FUT8: variants seen among roughly 807,000 people sequenced by gnomAD.
FUT8 encodes the protein fucosyltransferase 8, also known as alpha-(1,6)-fucosyltransferase.
In FUT8, 29 loss-of-function variants were observed where a neutral mutation model predicts 71.3. The ratio of observed to expected loss-of-function variants is 0.41; its 90% confidence interval spans 0.30 to 0.55. The LOEUF is 0.55. FUT8 is among the 20% of genes least tolerant of loss of function. The pLI, the probability that FUT8 is intolerant of heterozygous loss-of-function variation, is 0.34. For missense variants in FUT8, 544 were observed against 702.1 expected (o/e 0.77, Z 2.55); for synonymous variants, 254 against 239.3 (o/e 1.06, Z -0.57).
intron 6 of FUT8, among the ~76,000 whole-genome samples, chr14:65,654,281 A>G (rs980023942): frequency 4.6e-5 from 7 of 152,136 alleles, no homozygotes; most frequent in African/African-American, 1.7e-4. Flanking sequence ...AATTATCCCT[A>G]GATTAACTAC....
chr14:65,384,298 G>A, the FUT8 span, among the ~76,000 whole-genome samples: 1 of 152,030 alleles, frequency 6.6e-6, no homozygotes, highest in African/African-American at 2.4e-5. The surrounding 1 kb of genome is among the most constrained non-coding windows in gnomAD (Gnocchi z 4.2). Flanking sequence ...ACCCAGGGTG[G>A]AGTGCAGTGG....
At chr14:65,549,058 C>G (rs1885137107) in intron 2 of FUT8, among the ~76,000 whole-genome samples, 1 of 152,128 alleles carries the variant, frequency 6.6e-6, no homozygotes, top group Non-Finnish European at 1.5e-5. Flanking sequence ...CCAGAATTGC[C>G]TTTAAACAAA....
chr14:65,549,047 A>G (rs565795127), intron 2 of FUT8, among the ~76,000 whole-genome samples: 1 of 152,336 alleles, frequency 6.6e-6, no homozygotes, highest in Non-Finnish European at 1.5e-5. Flanking sequence ...CTACACAGCT[A>G]CCAGAATTGC....
Position 65,461,310 on chromosome 14 carries a change from C to T in FUT8, c.-228+5592C>T, listed in dbSNP as rs573259011. The stretch of plus-strand genomic sequence containing the variant: ...TTCAAATGTCCTTCTTATAAGGATT[C>T]CAGTCATGTATTAGGGTCCATCCTA... On this transcript the variant is annotated intron_variant, in intron 2 of 10. Coordinates refer to ENST00000673929, the MANE Select transcript of FUT8 (RefSeq NM_001371533.1). Among the ~76,000 whole-genome samples the T allele has an allele frequency of 3.5e-3, 531 of 152,244 alleles. 2 individuals carry two copies. The highest frequency in any genetic ancestry group is 0.012 in the African/African-American group (504 of 41,542).
chr14:65,590,325 A>G (rs749047620), intron 3 of FUT8, among the ~76,000 whole-genome samples: 4 of 152,208 alleles, frequency 2.6e-5, no homozygotes, highest in Non-Finnish European at 4.4e-5. Context: ...CACCCAGCAT[A>G]TCCAGTTCAT....
At chr14:65,521,309 A>T (rs942865110) in intron 2 of FUT8, among the ~76,000 whole-genome samples, 2 of 152,194 alleles carry the variant, frequency 1.3e-5, no homozygotes, top group African/African-American at 4.8e-5. Context: ...TTAAATTGTT[A>T]CATAAAAATG....
the FUT8 span, among the ~76,000 whole-genome samples, chr14:65,394,111 C>T: frequency 2.6e-5 from 4 of 152,184 alleles, no homozygotes; most frequent in Non-Finnish European, 5.9e-5. Flanking sequence ...CATGCACCAC[C>T]ATGCCTGGCT....
the FUT8 span, among the ~76,000 whole-genome samples, chr14:65,366,678 A>T: frequency 1.3e-5 from 2 of 152,198 alleles, no homozygotes; most frequent in African/African-American, 4.8e-5. Flanking sequence ...TAAATTAAGC[A>T]GCTTACTATA....
At chr14:65,534,653 G>T (rs1884174587) in intron 2 of FUT8, among the ~76,000 whole-genome samples, 1 of 151,502 alleles carries the variant, frequency 6.6e-6, no homozygotes, top group Non-Finnish European at 1.5e-5. Context: ...TCAGTCATGG[G>T]AGGGTGTATG....
intron 6 of FUT8, among the ~76,000 whole-genome samples, chr14:65,647,717 A>G (rs914481427): frequency 2.0e-5 from 3 of 152,180 alleles, no homozygotes; most frequent in African/African-American, 4.8e-5. Context: ...GGAAGATTCA[A>G]AATATATTTA....
chr14:65,733,565 A>G (rs1217654844), intron 10 of FUT8, among the ~76,000 whole-genome samples, 184 bp downstream of exon 10: 1 of 152,224 alleles, frequency 6.6e-6, no homozygotes, highest in Non-Finnish European at 1.5e-5. Context: ...AGCCATTCAC[A>G]TGCACTAATA....
chr14:65,528,947 T>C (rs192211479), intron 2 of FUT8: 1 of 153,856 alleles, frequency 6.5e-6, no homozygotes, highest in East Asian at 1.9e-4. Context: ...AAACTTGCCA[T>C]ATGCCTTTAG....
At chr14:65,566,896 T>C (rs1267935902) in intron 3 of FUT8, among the ~76,000 whole-genome samples, 2 of 151,980 alleles carry the variant, frequency 1.3e-5, no homozygotes, top group Middle Eastern at 3.2e-3. Context: ...GCTCACAGAA[T>C]TTTTGCTCCT....
chr14:65,503,964 C>G (rs534805953), intron 2 of FUT8, among the ~76,000 whole-genome samples: 1 of 152,310 alleles, frequency 6.6e-6, no homozygotes, highest in East Asian at 1.9e-4. Context: ...GATAATCTGT[C>G]AAAATTACTG....
intron 1 of FUT8, among the ~76,000 whole-genome samples, chr14:65,422,461 A>T (rs1471155816): frequency 6.6e-6 from 1 of 151,814 alleles, no homozygotes; most frequent in African/African-American, 2.4e-5. Flanking sequence ...ACTTTTGTCT[A>T]TATTAAAAAC....
intron 3 of FUT8, among the ~76,000 whole-genome samples, chr14:65,592,082 G>T (rs1200173351): frequency 6.6e-6 from 1 of 152,010 alleles, no homozygotes; most frequent in African/African-American, 2.4e-5. Context: ...TAATTATGAA[G>T]ATTTTTCTGC....
intron 3 of FUT8, among the ~76,000 whole-genome samples, chr14:65,600,749 G>A (rs1348363920): frequency 1.3e-5 from 2 of 152,072 alleles, no homozygotes; most frequent in South Asian, 2.1e-4. Flanking sequence ...AAGAAAATTT[G>A]CAGCATATGG....
chr14:65,725,112 T>A (rs1156295796), intron 9 of FUT8, among the ~76,000 whole-genome samples: 1 of 152,248 alleles, frequency 6.6e-6, no homozygotes, highest in Non-Finnish European at 1.5e-5. Context: ...GAGTTTTGTC[T>A]TATAATAATT....
intron 2 of FUT8, among the ~76,000 whole-genome samples, chr14:65,536,262 G>T (rs1346393829): frequency 6.6e-6 from 1 of 152,188 alleles, no homozygotes; most frequent in Non-Finnish European, 1.5e-5. Flanking sequence ...TTCAAGGCTA[G>T]TATGGATATG....
Sources: gnomAD v4.1 joint callset for allele counts (sites outside exome capture counted in the v4.1 genomes callset) on GRCh38, gnomAD v4.1.1 for gene constraint, Gnocchi (gnomAD v3.1) non-coding constraint, MANE v1.5 for transcripts, NCBI Gene and HGNC (gene_info 2026-07-23, HGNC 2026-07-21) for gene names.